Variants in DPP10 observed in about 807,000 individuals in gnomAD.
The protein encoded by DPP10 is dipeptidyl peptidase like 10.
Under a neutral mutation model 120.9 loss-of-function variants are expected in DPP10, and 33 were observed. The observed-to-expected ratio is 0.27, with a 90% CI of 0.21 to 0.37. DPP10 has a LOEUF of 0.37. Among genes scored for constraint, DPP10 ranks in the 10% least tolerant of loss-of-function variants. DPP10 has a pLI of 1.00. For missense variants in DPP10, 816 were observed against 942.8 expected (o/e 0.87, Z 1.76); for synonymous variants, 337 against 326.1 (o/e 1.03, Z -0.36).
chr2:115,484,097 C>A (rs1295439081), intron 3 of DPP10, among the ~76,000 whole-genome samples: 2 of 149,676 alleles, frequency 1.3e-5, no homozygotes, highest in African/African-American at 4.9e-5. Context: ...TTACTAAAAA[C>A]ATATTTCCTA....
At chr2:115,434,860 C>A (rs374691651) in intron 3 of DPP10, among the ~76,000 whole-genome samples, 13 of 151,778 alleles carry the variant, frequency 8.6e-5, no homozygotes, top group African/African-American at 2.9e-4. Flanking sequence ...CCTCTGATAA[C>A]CACCATTCTA....
At chr2:114,508,567 G>A (rs758089140) in intron 1 of DPP10, among the ~76,000 whole-genome samples, 20 of 152,192 alleles carry the variant, frequency 1.3e-4, no homozygotes, top group South Asian at 1.0e-3. Context: ...GCAAGCTTTC[G>A]TGTGAACTTA....
intron 21 of DPP10, among the ~76,000 whole-genome samples, chr2:115,834,966 G>C (rs1689304144): frequency 6.6e-6 from 1 of 151,986 alleles, no homozygotes; most frequent in Admixed American, 6.6e-5. Context: ...GGCGCCTGTG[G>C]TCCCAGCTGC....
chr2:114,638,786 G>A (rs922302004), intron 1 of DPP10, among the ~76,000 whole-genome samples: 1 of 151,766 alleles, frequency 6.6e-6, no homozygotes, highest in Non-Finnish European at 1.5e-5. Context: ...CAATTACTGT[G>A]TATATATCCA....
intron 1 of DPP10, chr2:115,161,946 G>T: frequency 2.8e-6 from 4 of 1,439,808 alleles, no homozygotes; most frequent in Non-Finnish European, 3.6e-6. Context: ...CGCCAGCGCG[G>T]GCCGCCGGCG....
intron 2 of DPP10, among the ~76,000 whole-genome samples, chr2:115,342,358 C>T (rs2063493313): frequency 6.6e-6 from 1 of 152,024 alleles, no homozygotes; most frequent in African/African-American, 2.4e-5. Context: ...AGACATGCAC[C>T]ACCACTCTAG....
chr2:115,528,396 A>C (rs548886392), intron 5 of DPP10, among the ~76,000 whole-genome samples: 1 of 151,846 alleles, frequency 6.6e-6, no homozygotes, highest in Admixed American at 6.6e-5. Context: ...AAAACCAAAA[A>C]AAAGAAATCT....
At chr2:114,523,861 A>G (rs926237097) in intron 1 of DPP10, among the ~76,000 whole-genome samples, 2 of 152,152 alleles carry the variant, frequency 1.3e-5, no homozygotes, top group Non-Finnish European at 2.9e-5. Flanking sequence ...CTAATGATCC[A>G]TCTCACAAGA....
chr2:115,784,065 T>C (rs543227825), intron 17 of DPP10, among the ~76,000 whole-genome samples: 1 of 152,344 alleles, frequency 6.6e-6, no homozygotes, highest in South Asian at 2.1e-4. Flanking sequence ...TAACTTCTGC[T>C]GCAAATTACA....
chr2:115,118,327 G>A (rs1233552699), intron 1 of DPP10, among the ~76,000 whole-genome samples: 10 of 151,934 alleles, frequency 6.6e-5, no homozygotes, highest in Non-Finnish European at 1.0e-4. Flanking sequence ...TATCACTATC[G>A]ACCACCAAAT....
At chr2:115,818,738 A>G (rs993053233) in intron 21 of DPP10, among the ~76,000 whole-genome samples, 1 of 152,240 alleles carries the variant, frequency 6.6e-6, no homozygotes, top group African/African-American at 2.4e-5. Flanking sequence ...TTAGAAGCTC[A>G]GCATATAAAC....
chr2:114,814,682 T>A (rs1388697177), intron 1 of DPP10, among the ~76,000 whole-genome samples: 2 of 152,156 alleles, frequency 1.3e-5, no homozygotes, highest in African/African-American at 4.8e-5. Context: ...ATCACATCTC[T>A]TATTTTAGAA....
rs139572526 is a variant in DPP10 at position 115,384,707 on chromosome 2, A to AAAGAAGAAGAAGAAGAAGAAGAAG, written c.271+40800_271+40823dup. On this transcript the variant is annotated intron_variant, in intron 3 of 25. Transcript: ENST00000410059. ...AGGAAGAAGAAGAAAAAGAAAGAAG[A>AAAGAAGAAGAAGAAGAAGAAGAAG]AAGAAGAAGAAGAAGAAGAAGAAGA... is the stretch of plus-strand genomic sequence containing the variant. 1.5e-3 allele frequency among the ~76,000 whole-genome samples: 220 copies of AAAGAAGAAGAAGAAGAAGAAGAAG among 148,550 alleles called. 1 individual carries two copies. Among genetic ancestry groups the AAAGAAGAAGAAGAAGAAGAAGAAG allele is most frequent in the African/African-American group, 5.5e-3 (216 of 39,548 alleles).
chr2:115,683,645 C>A (rs1014643259), intron 5 of DPP10, among the ~76,000 whole-genome samples: 1 of 151,564 alleles, frequency 6.6e-6, no homozygotes, highest in Non-Finnish European at 1.5e-5. Flanking sequence ...TTGCTGTGAA[C>A]CTAAAAGTGC....
At chr2:115,334,235 T>TTTTTTTTTTTTTTTTTTTTTTGTTTTTTG (rs1416607646) in intron 2 of DPP10, among the ~76,000 whole-genome samples, 7 of 133,138 alleles carry the variant, frequency 5.3e-5, no homozygotes, top group Non-Finnish European at 1.2e-4. Flanking sequence ...ACTCTGTTTT[T>TTTTTTTTTTTTTTTTTTTTTTGTTTTTTG]TTTTTTTTTT....
chr2:115,659,831 G>A lies in DPP10; in HGVS notation c.442-29856G>A, dbSNP rs185556359. Among the ~76,000 whole-genome samples, 604 of 152,114 alleles carry A rather than the reference G, an allele frequency of 4.0e-3. 4 individuals are homozygous for A. Among genetic ancestry groups the A allele is most frequent in the African/African-American group, 0.014 (583 of 41,502 alleles). Reference sequence around the variant, plus strand: ...TATAAGCCCCAGGCAAGTTTCTTTCGGTTTTGACTTTTTATTAATTAACCA... The same window carrying A: ...TATAAGCCCCAGGCAAGTTTCTTTCAGTTTTGACTTTTTATTAATTAACCA... On this transcript the variant is annotated intron_variant, in intron 5 of 25. Coordinates refer to ENST00000410059, the MANE Select transcript of DPP10 (RefSeq NM_020868.6).
chr2:114,777,231 A>G (rs7591989), intron 1 of DPP10, among the ~76,000 whole-genome samples: 5,777 of 152,162 alleles, frequency 0.038, 306 homozygotes, highest in African/African-American at 0.12. Flanking sequence ...GAAGACCAAC[A>G]AGTCACATTC....
intron 1 of DPP10, among the ~76,000 whole-genome samples, chr2:115,166,290 A>T (rs1473921877): frequency 6.6e-6 from 1 of 151,872 alleles, no homozygotes; most frequent in South Asian, 2.1e-4. Context: ...TTCATAAATC[A>T]TATTGAAAAA....
chr2:114,472,241 A>G (rs991511576), intron 1 of DPP10, among the ~76,000 whole-genome samples: 1 of 152,230 alleles, frequency 6.6e-6, no homozygotes, highest in Non-Finnish European at 1.5e-5. Flanking sequence ...CATCCACTGA[A>G]GTTAGGTCCT....
Sources: allele counts gnomAD v4.1 joint callset (sites outside exome capture counted in the v4.1 genomes callset), GRCh38; gene constraint gnomAD v4.1.1; transcripts MANE v1.5; gene names NCBI Gene and HGNC (gene_info 2026-07-23, HGNC 2026-07-21).